Variants in KANK1 observed in about 807,000 individuals in gnomAD.
The protein encoded by KANK1 is KN motif and ankyrin repeat domains 1, also known as KN motif and ankyrin repeat domain-containing protein 1.
A neutral mutation model predicts 106.2 loss-of-function variants in KANK1; 109 were observed. The observed-to-expected ratio is 1.03, with a 90% CI of 0.88 to 1.20. KANK1 has a LOEUF of 1.20. KANK1 is among the 50% of genes most tolerant of loss of function. The pLI is 0.00. For missense variants in KANK1, 2,399 were observed against 1,710.7 expected (o/e 1.40, Z -7.10); for synonymous variants, 873 against 652.2 (o/e 1.34, Z -5.16).
intron 1 of KANK1, among the ~76,000 whole-genome samples, chr9:556,985 A>G (rs933513817): frequency 6.6e-6 from 1 of 152,080 alleles, no homozygotes; most frequent in Non-Finnish European, 1.5e-5. Context: ...GAAATTGTTA[A>G]TTTTGTTAGG....
chr9:652,695 A>C (rs1841179287), intron 1 of KANK1, among the ~76,000 whole-genome samples: 1 of 152,230 alleles, frequency 6.6e-6, no homozygotes, highest in African/African-American at 2.4e-5. Flanking sequence ...ACAAAGGAAC[A>C]TTTGGGAAGA....
At chr9:557,879 C>T (rs562492041) in intron 1 of KANK1, among the ~76,000 whole-genome samples, 30 of 152,264 alleles carry the variant, frequency 2.0e-4, no homozygotes, top group Admixed American at 1.7e-3. Flanking sequence ...GTGGCACACG[C>T]CTGTGGTCTC....
At chr9:663,245 C>G (rs1843772870) in intron 1 of KANK1, among the ~76,000 whole-genome samples, 1 of 152,152 alleles carries the variant, frequency 6.6e-6, no homozygotes, top group South Asian at 2.1e-4. Context: ...ATATCTGTGG[C>G]TACTACATTG....
At chr9:485,597 GCA>G (rs1281849677) in intron 3 of KANK1, among the ~76,000 whole-genome samples, 1 of 152,126 alleles carries the variant, frequency 6.6e-6, no homozygotes, top group East Asian at 1.9e-4. Flanking sequence ...GATAGGCTGG[GCA>G]CAGTGGTTCA....
At chr9:625,841 A>G (rs1000474898) in intron 1 of KANK1, among the ~76,000 whole-genome samples, 1 of 152,110 alleles carries the variant, frequency 6.6e-6, no homozygotes, top group Non-Finnish European at 1.5e-5. Flanking sequence ...GCCTCTTTCT[A>G]GGCTGCCCAT....
intron 3 of KANK1, among the ~76,000 whole-genome samples, chr9:492,799 T>C (rs1819376): frequency 0.29 from 44,452 of 151,468 alleles, 12,356 homozygotes; most frequent in African/African-American, 0.72. Context: ...CCGAGGCGGG[T>C]GGATCACCTG....
Position 536,885 on chromosome 9 carries a change from G to A in KANK1, c.-84+32131G>A, listed in dbSNP as rs989583470. Among the ~76,000 whole-genome samples, 7 of 152,278 alleles carry A rather than the reference G, an allele frequency of 4.6e-5. No individual in the cohort carries two copies. The East Asian group carries it at 1.2e-3, about 25-fold the overall frequency. ...TAGTTCGCAGTCGGCACCCCTTTAAGTAAAGTGTGTGGTTTCTAATCAAGC... is the reference window on the plus strand; with the variant it reads ...TAGTTCGCAGTCGGCACCCCTTTAAATAAAGTGTGTGGTTTCTAATCAAGC... On this transcript the variant is annotated intron_variant, in intron 1 of 11. Transcript: ENST00000382297.
At chr9:499,453 G>A (rs2058512646) in intron 3 of KANK1, among the ~76,000 whole-genome samples, 1 of 152,212 alleles carries the variant, frequency 6.6e-6, no homozygotes, top group Admixed American at 6.5e-5. Context: ...CCCAGATGAA[G>A]CTGGCATCCC....
At chr9:595,739 C>A (rs1826054280) in intron 1 of KANK1, among the ~76,000 whole-genome samples, 1 of 151,660 alleles carries the variant, frequency 6.6e-6, no homozygotes, top group Non-Finnish European at 1.5e-5. Context: ...CCAGGTTGGT[C>A]TCAAACTCCT....
chr9:584,720 G>T (rs1027300569), intron 1 of KANK1, among the ~76,000 whole-genome samples: 1 of 152,214 alleles, frequency 6.6e-6, no homozygotes, highest in Non-Finnish European at 1.5e-5. Flanking sequence ...GAAAAGGCGG[G>T]AAGGGTTTGC....
intron 1 of KANK1, among the ~76,000 whole-genome samples, chr9:543,475 C>T (rs1038355385): frequency 6.6e-5 from 10 of 151,074 alleles, no homozygotes; most frequent in African/African-American, 2.4e-4. Context: ...AGGAGAATTG[C>T]TTGAACCCAG....
Position 713,416 on chromosome 9 carries a change from G to A in KANK1, c.2650G>A (p.Glu884Lys). ...NSVMKSASTE[E>K]LRNPDFQKTS... ...TGTCATGAAATCTGCAAGCACTGAA[G>A]AGCTGAGGAACCCTGACTTCCAGAA... Residue 884 changes from glutamate (E) to lysine (K), a missense_variant, in exon 3 of 12, where the codon GAG becomes AAG. Transcript: ENST00000382297. The A allele has an allele frequency of 6.2e-7, 1 of 1,611,290 alleles. No homozygotes were observed. The highest frequency in any genetic ancestry group is 8.5e-7 in the Non-Finnish European group (1 of 1,178,944).
At chr9:722,687 A>T (rs1013224713) in intron 3 of KANK1, among the ~76,000 whole-genome samples, 1 of 152,208 alleles carries the variant, frequency 6.6e-6, no homozygotes, top group Admixed American at 6.5e-5. Flanking sequence ...TAGGTGACCA[A>T]TTCCCTCTGA....
At chr9:733,704 T>A (rs910411934) in intron 6 of KANK1, 2 of 152,062 alleles carry the variant, frequency 1.3e-5, no homozygotes, top group African/African-American at 4.8e-5. Context: ...ACCCTGGAGG[T>A]TGAGGCTGCA....
At chr9:564,582 A>G (rs1189678310) in intron 1 of KANK1, among the ~76,000 whole-genome samples, 4 of 152,204 alleles carry the variant, frequency 2.6e-5, no homozygotes, top group African/African-American at 9.6e-5. Context: ...ATGTTTTAGC[A>G]TGTATTGATA....
intron 1 of KANK1, among the ~76,000 whole-genome samples, chr9:565,143 C>T (rs943329983): frequency 6.6e-6 from 1 of 152,226 alleles, no homozygotes; most frequent in Non-Finnish European, 1.5e-5. Flanking sequence ...GACCACTAGG[C>T]ATGTCAGGTA....
At position 646,251 on chromosome 9, in the gene KANK1, A is replaced by T. The variant is rs548798835; in HGVS notation, c.-83-30639A>T. Among the ~76,000 whole-genome samples the T allele has an allele frequency of 9.3e-5, 14 of 150,938 alleles. 2 individuals carry two copies. Among genetic ancestry groups the T allele is most frequent in the African/African-American group, 3.5e-4 (14 of 40,286 alleles). On this transcript the variant is annotated intron_variant, in intron 1 of 11. Coordinates refer to ENST00000382297, the MANE Select transcript of KANK1 (RefSeq NM_015158.5). Reference sequence around the variant, plus strand: ...CCCATGCCTGTAATCTCAGCATGTGATTTGGGAGGCCAAGGCTAGAGGATC... The same window carrying T: ...CCCATGCCTGTAATCTCAGCATGTGTTTTGGGAGGCCAAGGCTAGAGGATC...
intron 3 of KANK1, among the ~76,000 whole-genome samples, chr9:722,423 G>T (rs12684491): frequency 0.046 from 6,926 of 151,854 alleles, 362 homozygotes; most frequent in East Asian, 0.18. Context: ...TCTCACCCTC[G>T]ATTCAGGTGA....
chr9:580,721 G>T lies in KANK1; in HGVS notation c.-84+75967G>T, dbSNP rs188156678. On this transcript the variant is annotated intron_variant, in intron 1 of 11. Transcript: ENST00000382297. ...CAGCTGGCTTCACCTAGTGGATCCC[G>T]CACTGGGGCCGCAGGCGGAGCTGCC... Among the ~76,000 whole-genome samples the T allele has an allele frequency of 2.5e-3, 375 of 152,374 alleles. 3 individuals are homozygous for T. The highest frequency in any genetic ancestry group is 8.5e-3 in the African/African-American group (355 of 41,586).
Sources: gnomAD v4.1 joint callset for allele counts (sites outside exome capture counted in the v4.1 genomes callset) on GRCh38, gnomAD v4.1.1 for gene constraint, MANE v1.5 for transcripts, NCBI Gene and HGNC (gene_info 2026-07-23, HGNC 2026-07-21) for gene names.